The following LINGO2 variants were observed in gnomAD, a reference collection of about 807,000 sequenced individuals.
LINGO2 encodes leucine rich repeat and Ig domain containing 2, also known as leucine-rich repeat and immunoglobulin-like domain-containing nogo receptor-interacting protein 2.
LINGO2 carries 14 observed loss-of-function variants against 30.6 expected under a neutral mutation model. The observed-to-expected ratio is 0.46, with a 90% CI of 0.30 to 0.72. The LOEUF is 0.72. LINGO2 is among the 30% of genes least tolerant of loss of function. The pLI is 0.07. For missense variants in LINGO2, 729 were observed against 751.7 expected (o/e 0.97, Z 0.35); for synonymous variants, 317 against 288.5 (o/e 1.10, Z -1.00).
chr9:28,598,303 A>G (rs1440691913), intron 1 of LINGO2, among the ~76,000 whole-genome samples: 6 of 152,082 alleles, frequency 3.9e-5, no homozygotes, highest in Admixed American at 6.6e-5. Context: ...TTTTGTTCTG[A>G]GAACTAAAAT....
At chr9:29,044,826 T>C in the LINGO2 span, among the ~76,000 whole-genome samples, 4 of 152,080 alleles carry the variant, frequency 2.6e-5, no homozygotes, top group African/African-American at 9.7e-5. Context: ...ACTGCTTTTT[T>C]CTTATACATA....
At chr9:28,390,808 C>T (rs916622902) in intron 2 of LINGO2, among the ~76,000 whole-genome samples, 9 of 152,246 alleles carry the variant, frequency 5.9e-5, no homozygotes, top group African/African-American at 1.2e-4. Context: ...AAGACATTAT[C>T]GTGATGCTCT....
At chr9:28,867,620 T>G in the LINGO2 span, among the ~76,000 whole-genome samples, 1 of 152,260 alleles carries the variant, frequency 6.6e-6, no homozygotes, top group Non-Finnish European at 1.5e-5. Context: ...CAAGCACCCA[T>G]AAAGCATGTG....
At chr9:28,856,798 A>G in the LINGO2 span, among the ~76,000 whole-genome samples, 1 of 152,038 alleles carries the variant, frequency 6.6e-6, no homozygotes, top group East Asian at 1.9e-4. Context: ...ATGAAGACAG[A>G]CCACTTAGAA....
chr9:28,173,319 T>G (rs1828655015), intron 4 of LINGO2, among the ~76,000 whole-genome samples: 1 of 152,186 alleles, frequency 6.6e-6, no homozygotes, highest in Non-Finnish European at 1.5e-5. Context: ...TTTAAAATGG[T>G]ATTTATATCT....
chr9:28,283,786 T>C (rs1431845336), intron 4 of LINGO2, among the ~76,000 whole-genome samples: 1 of 152,052 alleles, frequency 6.6e-6, no homozygotes, highest in African/African-American at 2.4e-5. Flanking sequence ...TAATTTAGGG[T>C]AGTTATTATT....
intron 4 of LINGO2, among the ~76,000 whole-genome samples, chr9:28,049,988 G>A (rs968123170): frequency 1.3e-5 from 2 of 150,830 alleles, no homozygotes; most frequent in Admixed American, 6.7e-5. Flanking sequence ...TTTGTGGGCT[G>A]TTTTAATAGT....
At chr9:28,778,888 T>G in the LINGO2 span, among the ~76,000 whole-genome samples, 1 of 152,170 alleles carries the variant, frequency 6.6e-6, no homozygotes, top group Non-Finnish European at 1.5e-5. Context: ...CATGGAAGCA[T>G]TAGATTCTGA....
chr9:29,083,392 T>C, the LINGO2 span, among the ~76,000 whole-genome samples: 5 of 151,892 alleles, frequency 3.3e-5, no homozygotes, highest in African/African-American at 7.2e-5. Flanking sequence ...ATGAGAACAC[T>C]TGGACACAGG....
At chr9:28,563,211 T>A (rs1823194806) in intron 1 of LINGO2, among the ~76,000 whole-genome samples, 1 of 152,114 alleles carries the variant, frequency 6.6e-6, no homozygotes, top group Non-Finnish European at 1.5e-5. Flanking sequence ...TTAAATATTT[T>A]GATCAAAACC....
the LINGO2 span, among the ~76,000 whole-genome samples, chr9:29,131,637 T>A: frequency 6.6e-6 from 1 of 152,072 alleles, no homozygotes; most frequent in Non-Finnish European, 1.5e-5. Flanking sequence ...AAATTCCAAG[T>A]ACCATTTTGT....
chr9:28,385,528 C>A (rs756352339), intron 2 of LINGO2, among the ~76,000 whole-genome samples: 22 of 152,126 alleles, frequency 1.4e-4, no homozygotes, highest in Admixed American at 7.2e-4. Context: ...CTATTTTCTT[C>A]TTTCTGGGCA....
chr9:28,301,226 A>T (rs1406047895), intron 3 of LINGO2, among the ~76,000 whole-genome samples: 2 of 152,142 alleles, frequency 1.3e-5, no homozygotes, highest in Non-Finnish European at 1.5e-5. Context: ...CAGAAAGAAC[A>T]CATTTTTGGA....
At chr9:28,694,609 A>G in the LINGO2 span, among the ~76,000 whole-genome samples, 52 of 152,124 alleles carry the variant, frequency 3.4e-4, no homozygotes, top group Non-Finnish European at 6.3e-4. Flanking sequence ...AGATAATGCT[A>G]TTATCCCAAT....
chr9:28,249,874 T>C (rs1229351826), intron 4 of LINGO2, among the ~76,000 whole-genome samples: 1 of 152,186 alleles, frequency 6.6e-6, no homozygotes. Flanking sequence ...AATAGACAAT[T>C]TTAATCAGAG....
chr9:28,142,999 T>C (rs1587072538), intron 4 of LINGO2, among the ~76,000 whole-genome samples: 1 of 152,284 alleles, frequency 6.6e-6, no homozygotes, highest in South Asian at 2.1e-4. Context: ...TAGATTTCAA[T>C]CTGATCAATT....
At chr9:28,683,808 G>C in the LINGO2 span, among the ~76,000 whole-genome samples, 1 of 152,160 alleles carries the variant, frequency 6.6e-6, no homozygotes, top group Admixed American at 6.5e-5. Flanking sequence ...TAGTTTTGTA[G>C]AGACAGCATA....
At chr9:29,160,338 T>C in the LINGO2 span, among the ~76,000 whole-genome samples, 1 of 152,228 alleles carries the variant, frequency 6.6e-6, no homozygotes, top group Non-Finnish European at 1.5e-5. Context: ...GGTCAAATGT[T>C]GGTTCCACCA....
chr9:28,871,749 C>T, the LINGO2 span, among the ~76,000 whole-genome samples: 3 of 151,778 alleles, frequency 2.0e-5, no homozygotes, highest in Admixed American at 6.6e-5. Flanking sequence ...GAATGAGAGA[C>T]GTTGGTTCAA....
Sources: allele counts gnomAD v4.1 joint callset (sites outside exome capture counted in the v4.1 genomes callset), GRCh38; gene constraint gnomAD v4.1.1; transcripts MANE v1.5; gene names NCBI Gene and HGNC (gene_info 2026-07-23, HGNC 2026-07-21).